Variants in SPAG17 observed in about 807,000 individuals in gnomAD.
The protein encoded by SPAG17 is sperm associated antigen 17.
A neutral mutation model predicts 273.6 loss-of-function variants in SPAG17; 169 were observed. The observed-to-expected ratio is 0.62, with a 90% CI of 0.55 to 0.70. SPAG17 has a LOEUF of 0.70. SPAG17 is among the 30% of genes least tolerant of loss of function. SPAG17 has a pLI of 0.00. For synonymous variants in SPAG17, 825 were observed against 873.2 expected (o/e 0.94, Z 0.97); for missense variants, 2,557 against 2,627.8 (o/e 0.97, Z 0.59).
At chr1:118,030,088 T>G (rs2101876370) in intron 25 of SPAG17, among the ~76,000 whole-genome samples, 1 of 152,298 alleles carries the variant, frequency 6.6e-6, no homozygotes, top group Admixed American at 6.5e-5. Flanking sequence ...GCAAGATGCC[T>G]TTGGCCAAAT....
At chr1:118,149,529 A>G (rs573951209) in intron 3 of SPAG17, among the ~76,000 whole-genome samples, 2 of 152,340 alleles carry the variant, frequency 1.3e-5, no homozygotes, top group South Asian at 4.1e-4. Flanking sequence ...AAAAAGAGAC[A>G]AAGTATATTA....
chr1:118,148,025 T>C (rs1215027640), intron 3 of SPAG17, among the ~76,000 whole-genome samples: 2 of 152,188 alleles, frequency 1.3e-5, no homozygotes, highest in African/African-American at 4.8e-5. Flanking sequence ...AATACAGGTG[T>C]TTAAATGCAT....
Position 117,959,280 on chromosome 1 carries a change from A to G in SPAG17, c.*4519T>C, listed in dbSNP as rs111304593. Reference sequence around the variant, plus strand: ...GAGAAAATTTTTTAATATTTCTTGTATTGCACTCCAGGATGTTATCGGCTT... The same window carrying G: ...GAGAAAATTTTTTAATATTTCTTGTGTTGCACTCCAGGATGTTATCGGCTT... On this transcript the variant is annotated intron_variant, in intron 48 of 48. Coordinates refer to ENST00000336338, the MANE Select transcript of SPAG17 (RefSeq NM_206996.4). 5.4e-5 allele frequency: 87 copies of G among 1,605,676 alleles called. 1 individual carries two copies. In the African/African-American group the frequency reaches 6.0e-4, roughly 11 times the overall value.
At chr1:117,965,172 C>G (rs919302191) in intron 47 of SPAG17, 43 of 152,242 alleles carry the variant, frequency 2.8e-4, no homozygotes, top group African/African-American at 1.0e-3. Flanking sequence ...AGTTTTTATC[C>G]CAACCAAATT....
intron 42 of SPAG17, among the ~76,000 whole-genome samples, chr1:117,981,623 A>T (rs1056313320): frequency 6.6e-6 from 1 of 152,230 alleles, no homozygotes; most frequent in Admixed American, 6.5e-5. Context: ...AAGTATTTGC[A>T]AAGTTTGTAC....
Position 118,005,545 on chromosome 1 carries a change from AG to A in SPAG17, c.4644del (p.Cys1549AlafsTer25). ...TATATATTACTGCTTGACTCATGGC[AG>A]TACACAGCTGAACAATCCTTGTCAA... is the stretch of plus-strand genomic sequence containing the variant. Reference protein sequence around the residue: ...LYIDKDCSAVYCHESSSNIYY... With the variant: ...LYIDKDCSAVXCHESSSNIYY... On this transcript the variant is annotated frameshift_variant, in exon 32 of 49. Transcript: ENST00000336338. LOFTEE classifies it high-confidence loss of function. 1 of 1,604,934 alleles carries A rather than the reference AG, an allele frequency of 6.2e-7. No individual in the cohort carries two copies.
intron 13 of SPAG17, 25 bp from the exon 14 acceptor site, chr1:118,081,667 G>T: frequency 3.1e-6 from 5 of 1,588,730 alleles, no homozygotes; most frequent in Non-Finnish European, 4.3e-6. Context: ...AACCAGTGCT[G>T]CTGGAAATGT....
Position 118,085,910 on chromosome 1 carries a change from C to CT in SPAG17, c.1762+11_1762+12insA. Reference sequence around the variant, plus strand: ...AAATTGAGTTTAAGCTAAGACAAAGCAATGGACTCACCACTCGTACAAAAG... The same window carrying CT: ...AAATTGAGTTTAAGCTAAGACAAAGCTAATGGACTCACCACTCGTACAAAAG... On this transcript the variant is annotated intron_variant, in intron 13 of 48. Coordinates refer to ENST00000336338, the MANE Select transcript of SPAG17 (RefSeq NM_206996.4). 1 of 1,589,690 alleles carries CT rather than the reference C, an allele frequency of 6.3e-7. No individual in the cohort carries two copies.
chr1:118,092,602 C>G (rs894329560), intron 8 of SPAG17, among the ~76,000 whole-genome samples: 9 of 152,178 alleles, frequency 5.9e-5, no homozygotes, highest in Non-Finnish European at 8.8e-5. Flanking sequence ...TTCCATTAGG[C>G]ACTTCATACT....
chr1:117,997,242 C>T (rs1571189937), intron 32 of SPAG17, among the ~76,000 whole-genome samples: 1 of 151,966 alleles, frequency 6.6e-6, no homozygotes, highest in Non-Finnish European at 1.5e-5. Context: ...CTAAATATGG[C>T]CCGGGTCTCT....
At chr1:118,073,228 C>T (rs577783600) in intron 17 of SPAG17, among the ~76,000 whole-genome samples, 2 of 152,260 alleles carry the variant, frequency 1.3e-5, no homozygotes, top group African/African-American at 4.8e-5. Context: ...AGTACAAGTT[C>T]CAGGGCCAGA....
intron 7 of SPAG17, among the ~76,000 whole-genome samples, chr1:118,095,977 C>G (rs74113550): frequency 2.0e-5 from 3 of 152,086 alleles, no homozygotes; most frequent in Non-Finnish European, 2.9e-5. Flanking sequence ...CTAGTCTTTC[C>G]CAGAACCAGC....
intron 3 of SPAG17, among the ~76,000 whole-genome samples, chr1:118,146,821 T>C (rs1263244023): frequency 1.3e-5 from 2 of 152,212 alleles, no homozygotes; most frequent in Non-Finnish European, 2.9e-5. Flanking sequence ...CATTTCCCCG[T>C]GCACACAATG....
intron 22 of SPAG17, among the ~76,000 whole-genome samples, chr1:118,040,440 AT>A (rs1649603268): frequency 1.3e-5 from 2 of 152,284 alleles, no homozygotes; most frequent in Admixed American, 1.3e-4. Flanking sequence ...TTAATTGCTT[AT>A]TGCAGTTACT....
intron 3 of SPAG17, among the ~76,000 whole-genome samples, chr1:118,130,074 T>A (rs1176410688): frequency 6.6e-6 from 1 of 152,238 alleles, no homozygotes; most frequent in Non-Finnish European, 1.5e-5. Flanking sequence ...GAATGAAATC[T>A]GCTTATAAAA....
intron 1 of SPAG17, among the ~76,000 whole-genome samples, chr1:118,165,442 A>G (rs1320419272): frequency 2.6e-5 from 4 of 152,090 alleles, no homozygotes; most frequent in Non-Finnish European, 5.9e-5. Context: ...GAGGCAAAGA[A>G]CCTCGGGTAT....
intron 18 of SPAG17, among the ~76,000 whole-genome samples, chr1:118,058,371 C>A (rs1031025554): frequency 6.6e-6 from 1 of 152,118 alleles, no homozygotes; most frequent in Non-Finnish European, 1.5e-5. Context: ...CCAGACCCAG[C>A]TAATTTTTGT....
chr1:117,966,719 T>G lies in SPAG17; in HGVS notation c.6422A>C (p.Glu2141Ala), dbSNP rs1320103254. 9 of 1,613,674 alleles carry G rather than the reference T, an allele frequency of 5.6e-6. No homozygotes were observed. Among genetic ancestry groups the G allele is most frequent in the Non-Finnish European group, 5.9e-6 (7 of 1,179,924 alleles). The stretch of plus-strand genomic sequence containing the variant: ...CTCTCCAACAGCTGTGGCAAATAAC[T>G]CTATATTCAGTTCTGTCTGCATACC... Reference protein sequence around the residue: ...AAGMQTELNIELFATAVGEDG... With the variant: ...AAGMQTELNIALFATAVGEDG... The change falls in exon 47 of 49, where the codon GAG becomes GCG. Residue 2141 changes from glutamate (E) to alanine (A), a missense_variant. Glu to Ala is a moderately radical substitution (Grantham distance 107). Transcript: ENST00000336338.
At chr1:118,048,196 A>G (rs1324866451) in intron 20 of SPAG17, among the ~76,000 whole-genome samples, 6 of 151,902 alleles carry the variant, frequency 3.9e-5, no homozygotes, top group Non-Finnish European at 8.8e-5. Context: ...AGGCCCATCT[A>G]AGTCTCTGAC....
Sources: gnomAD v4.1 joint callset for allele counts (sites outside exome capture counted in the v4.1 genomes callset) on GRCh38, gnomAD v4.1.1 for gene constraint, MANE v1.5 for transcripts, NCBI Gene and HGNC (gene_info 2026-07-23, HGNC 2026-07-21) for gene names.